Variants in USP40 observed in about 807,000 individuals in gnomAD.
The protein encoded by USP40 is ubiquitin carboxyl-terminal hydrolase 40.
USP40 carries 143 observed loss-of-function variants against 166.2 expected under a neutral mutation model. The observed-to-expected ratio is 0.86, with a 90% CI of 0.75 to 0.99. The LOEUF is 0.99. Among genes scored for constraint, USP40 ranks in the 50% least tolerant of loss-of-function variants. The pLI is 0.00. For missense variants in USP40, 1,444 were observed against 1,479.7 expected (o/e 0.98, Z 0.40); for synonymous variants, 498 against 524.0 (o/e 0.95, Z 0.68).
Position 233,481,312 on chromosome 2 carries a change from A to C in USP40, c.3505-15T>G. 1 of 1,579,680 alleles carries C rather than the reference A, an allele frequency of 6.3e-7. No individual in the cohort carries two copies. The highest frequency in any genetic ancestry group is 8.6e-7 in the Non-Finnish European group (1 of 1,160,472). On this transcript the variant is annotated splice_polypyrimidine_tract_variant and intron_variant, in intron 30 of 31. Coordinates refer to ENST00000678225, the MANE Select transcript of USP40 (RefSeq NM_001365479.2). ...ATCAGGAGATTCTACATTTCAAAAG[A>C]AGTAATGAGCAGTGTTTTCTGACAT...
rs776421685 is a variant in USP40, at chr2:233,496,859, C to T, written c.2716-27G>A. The T allele has an allele frequency of 4.4e-6, 7 of 1,581,676 alleles. No individual in the cohort carries two copies. The Admixed American group carries it at 1.2e-4, about 27-fold the overall frequency. ...TGGGAAGACAAAAATGCTTTTTTGTCACTTATGACTTCTGAAAGGAGCAGA... is the reference window on the plus strand; with the variant it reads ...TGGGAAGACAAAAATGCTTTTTTGTTACTTATGACTTCTGAAAGGAGCAGA... On this transcript the variant is annotated intron_variant, in intron 23 of 31. Transcript: ENST00000678225.
rs77116100 is a variant in USP40 at position 233,543,369 on chromosome 2, C to T, written c.967-1006G>A. Among the ~76,000 whole-genome samples the T allele has an allele frequency of 6.3e-3, 965 of 152,228 alleles. 21 individuals carry two copies. In the East Asian group the frequency reaches 0.084, roughly 13 times the overall value. On this transcript the variant is annotated intron_variant, in intron 8 of 31. Transcript: ENST00000678225. ...ACATCTTAAACACACCATGAGCTTG[C>T]AAGAACATCAGGGAAAACTCTTCTG...
At chr2:233,511,055 C>T (rs2066798602) in intron 20 of USP40, among the ~76,000 whole-genome samples, 1 of 152,096 alleles carries the variant, frequency 6.6e-6, no homozygotes, top group African/African-American at 2.4e-5. Context: ...ATTTGGGAAC[C>T]ATGGGCAACC....
At chr2:233,554,551 T>A in intron 5 of USP40, 25 bp from the exon 6 acceptor site, 1 of 1,571,120 alleles carries the variant, frequency 6.4e-7, no homozygotes, top group East Asian at 2.3e-5. Flanking sequence ...AATATAATAT[T>A]GAAAAACAAT....
chr2:233,499,044 G>C (rs2065905784), intron 22 of USP40, among the ~76,000 whole-genome samples: 1 of 152,108 alleles, frequency 6.6e-6, no homozygotes, highest in African/African-American at 2.4e-5. Flanking sequence ...GTGCAGGCCT[G>C]TTACACAGGT....
At chr2:233,509,625 G>A (rs1171869993) in intron 21 of USP40, among the ~76,000 whole-genome samples, 5 of 151,970 alleles carry the variant, frequency 3.3e-5, no homozygotes, top group African/African-American at 9.7e-5. Flanking sequence ...TGGATCACTC[G>A]AGGTCAGGAG....
intron 10 of USP40, among the ~76,000 whole-genome samples, chr2:233,534,732 G>C (rs1232900272): frequency 6.6e-6 from 1 of 152,180 alleles, no homozygotes. Context: ...TCAACAACTT[G>C]AAAGCTTTGA....
intron 23 of USP40, among the ~76,000 whole-genome samples, chr2:233,497,774 C>T (rs1033786613): frequency 6.6e-6 from 1 of 152,224 alleles, no homozygotes; most frequent in African/African-American, 2.4e-5. Flanking sequence ...GGCAGTCAAA[C>T]TCCTGCCCAG....
intron 21 of USP40, among the ~76,000 whole-genome samples, chr2:233,508,951 T>C (rs1201649487): frequency 6.6e-6 from 1 of 152,206 alleles, no homozygotes; most frequent in Admixed American, 6.5e-5. Flanking sequence ...TCAATCTCTT[T>C]GATGATTCCA....
intron 21 of USP40, among the ~76,000 whole-genome samples, chr2:233,501,833 C>T (rs945573010): frequency 3.2e-4 from 49 of 152,198 alleles, no homozygotes; most frequent in African/African-American, 1.2e-3. Context: ...GATTGTTAGA[C>T]AACCAAGTGG....
rs770924874 is a variant in USP40 at position 233,489,451 on chromosome 2, A to C, written c.3045T>G (p.Gly1015=). 3.1e-6 allele frequency: 5 copies of C among 1,607,394 alleles called. No homozygotes were observed. The highest frequency in any genetic ancestry group is 3.4e-6 in the Non-Finnish European group (4 of 1,177,054). ...AMTLPPFLEF[G]VPSPAHLRAW... is the part of the protein sequence containing the mutation. ...CTCTGAGGTGGGCTGGGGACGGGAC[A>C]CCGAACTCCAGGAAAGGAGGCAAGG... The change falls in exon 27 of 32, where the codon GGT becomes GGG. Residue 1015 remains glycine, a synonymous_variant. Transcript: ENST00000678225.
chr2:233,521,832 T>C (rs1209991221), intron 16 of USP40, among the ~76,000 whole-genome samples: 1 of 152,196 alleles, frequency 6.6e-6, no homozygotes, highest in East Asian at 1.9e-4. Flanking sequence ...AGATGCTCCA[T>C]GAAGACTACT....
chr2:233,546,872 A>G (rs1303403157), intron 8 of USP40: 1 of 152,228 alleles, frequency 6.6e-6, no homozygotes, highest in Non-Finnish European at 1.5e-5. Flanking sequence ...AAGGTATAAC[A>G]ACACGATAAG....
chr2:233,492,975 A>G (rs995313694), intron 25 of USP40: 1 of 179,172 alleles, frequency 5.6e-6, no homozygotes, highest in African/African-American at 2.4e-5. Context: ...AGATGATATC[A>G]AATGCCCTAG....
chr2:233,485,482 T>C (rs763849474), intron 30 of USP40, 49 bp downstream of exon 30: 1 of 1,393,150 alleles, frequency 7.2e-7, no homozygotes. Context: ...TAAAATCATG[T>C]GACCCTCGTG....
chr2:233,485,480 T>A, intron 30 of USP40, 51 bp downstream of exon 30: 1 of 1,380,286 alleles, frequency 7.2e-7, no homozygotes, highest in Non-Finnish European at 1.0e-6. Context: ...TATAAAATCA[T>A]GTGACCCTCG....
In USP40 at chr2:233,525,461, T is replaced by C; in HGVS notation, c.1810+17A>G. On this transcript the variant is annotated intron_variant, in intron 14 of 31. Transcript: ENST00000678225. ...AGATATATAGAGTGAGTTGCTATGT[T>C]TTCATATTTATCTTACCGCCAAGTG... 6.2e-7 allele frequency: 1 copy of C among 1,604,044 alleles called. No homozygotes were observed. Among genetic ancestry groups the C allele is most frequent in the Non-Finnish European group, 8.5e-7 (1 of 1,171,800 alleles).
chr2:233,523,957 G>C (rs986568191), intron 15 of USP40, among the ~76,000 whole-genome samples: 2 of 152,180 alleles, frequency 1.3e-5, no homozygotes, highest in African/African-American at 4.8e-5. Context: ...AAAGGACACA[G>C]ATCAACTGAC....
intron 3 of USP40, 109 bp downstream of exon 3, chr2:233,562,627 A>C (rs56317390): frequency 4.7e-6 from 3 of 637,904 alleles, no homozygotes; most frequent in Admixed American, 3.8e-5. Flanking sequence ...ATGATGAGTT[A>C]GTGGGTGCAG....
Sources: gnomAD v4.1 joint callset for allele counts (sites outside exome capture counted in the v4.1 genomes callset) on GRCh38, gnomAD v4.1.1 for gene constraint, MANE v1.5 for transcripts, NCBI Gene and HGNC (gene_info 2026-07-23, HGNC 2026-07-21) for gene names.